ZDHHC3: variants seen among roughly 807,000 people sequenced by gnomAD.
The protein encoded by ZDHHC3 is zDHHC palmitoyltransferase 3.
In ZDHHC3, 9 loss-of-function variants were observed where a neutral mutation model predicts 30.6. That is an observed-to-expected ratio of 0.29 (90% CI 0.18 to 0.51). The LOEUF (loss-of-function observed/expected upper bound fraction) is 0.51, where lower values mean the gene tolerates loss of function less well. Among genes scored for constraint, ZDHHC3 ranks in the 20% least tolerant of loss-of-function variants. ZDHHC3 has a pLI of 0.97. For missense variants in ZDHHC3, 246 were observed against 384.2 expected (o/e 0.64, Z 3.01); for synonymous variants, 136 against 140.2 (o/e 0.97, Z 0.21).
rs543702987 is a variant in ZDHHC3, at chr3:44,922,966, G to A, written c.*3723C>T. On this transcript the variant is annotated 3_prime_UTR_variant, in exon 7 of 7. Coordinates refer to ENST00000424952, the MANE Select transcript of ZDHHC3 (RefSeq NM_001135179.2). ...CACCCTTTAAGCTGATGCACTGCAA[G>A]TCTTGAAAAGAGAGAAATTTAAAAC... 1.2e-3 allele frequency: 1,163 copies of A among 985,356 alleles called. 2 individuals carry two copies. The highest frequency in any genetic ancestry group is 1.5e-3 in the Admixed American group (24 of 16,274). The allele number at this position is 985,356 out of a possible 1,614,324, so 61.0% of individuals were successfully genotyped here. A position where few individuals can be genotyped will look rare whatever the true frequency, so the allele number is the denominator to read the frequency against.
At chr3:44,973,917 T>C (rs1705634015) in intron 1 of ZDHHC3, among the ~76,000 whole-genome samples, 1 of 152,232 alleles carries the variant, frequency 6.6e-6, no homozygotes, top group Admixed American at 6.5e-5. Flanking sequence ...CTAATAGTGA[T>C]GGAAAAACAA....
chr3:44,964,458 C>A (rs1704756543), intron 1 of ZDHHC3, among the ~76,000 whole-genome samples: 1 of 152,032 alleles, frequency 6.6e-6, no homozygotes, highest in African/African-American at 2.4e-5. Flanking sequence ...CAGATGCAGG[C>A]TTTGTAGGAA....
At chr3:44,938,163 T>C (rs1444877362) in intron 3 of ZDHHC3, 2 of 203,356 alleles carry the variant, frequency 9.8e-6, no homozygotes, top group Non-Finnish European at 2.1e-5. Context: ...TTTGTATTTT[T>C]AGTGGAGACG....
chr3:44,945,042 T>G (rs1702793598), intron 3 of ZDHHC3, 126 bp downstream of exon 3: 1 of 1,389,580 alleles, frequency 7.2e-7, no homozygotes, highest in Non-Finnish European at 1.0e-6. Context: ...AGGGGACATT[T>G]GGAATCCCGA....
chr3:44,918,649 A>T lies in ZDHHC3; in HGVS notation c.*8040T>A. On this transcript the variant is annotated 3_prime_UTR_variant, in exon 7 of 7. Coordinates refer to ENST00000424952, the MANE Select transcript of ZDHHC3 (RefSeq NM_001135179.2). ...CAGGACACAAACAGCATGCGAGGTG[A>T]AGAAGCGGGTGCTCGTACAGCAAGT... 1.0e-6 allele frequency: 1 copy of T among 1,001,094 alleles called. No homozygotes were observed. Among genetic ancestry groups the T allele is most frequent in the Non-Finnish European group, 1.2e-6 (1 of 837,368 alleles). The allele number at this position is 1,001,094 out of a possible 1,614,324, so 62.0% of individuals were successfully genotyped here.
chr3:44,965,424 G>A (rs1375842766), intron 1 of ZDHHC3, among the ~76,000 whole-genome samples: 2 of 152,162 alleles, frequency 1.3e-5, no homozygotes, highest in African/African-American at 4.8e-5. Flanking sequence ...TCTCTCCATG[G>A]TAGGCAGCTC....
At chr3:44,946,624 T>C (rs1325277650) in intron 2 of ZDHHC3, among the ~76,000 whole-genome samples, 1 of 152,002 alleles carries the variant, frequency 6.6e-6, no homozygotes, top group Non-Finnish European at 1.5e-5. Flanking sequence ...CAGAGGAGTT[T>C]TAAGTAGTGA....
intron 2 of ZDHHC3, 168 bp from the exon 3 acceptor site, chr3:44,945,460 G>C: frequency 9.7e-7 from 1 of 1,026,696 alleles, no homozygotes; most frequent in East Asian, 2.7e-5. Context: ...CAACATTAAG[G>C]AATATTTATT....
intron 6 of ZDHHC3, among the ~76,000 whole-genome samples, chr3:44,928,038 T>TC (rs913521266): frequency 6.6e-6 from 1 of 152,142 alleles, no homozygotes; most frequent in Non-Finnish European, 1.5e-5. Context: ...GCCTTCTGGC[T>TC]CCCCCAGACC....
Position 44,975,971 on chromosome 3 carries a change from T to G in ZDHHC3, c.-63A>C. ...GCAGTTCCCCAGTCCCAGACCCCGG[T>G]GGGGCTCCCGCCGCCGCCGCCGCTG... On this transcript the variant is annotated 5_prime_UTR_variant, in exon 1 of 7. Coordinates refer to ENST00000424952, the MANE Select transcript of ZDHHC3 (RefSeq NM_001135179.2). The G allele has an allele frequency of 2.9e-5, 8 of 276,648 alleles. No individual in the cohort carries two copies. Among genetic ancestry groups the G allele is most frequent in the Non-Finnish European group, 3.3e-5 (5 of 149,600 alleles). 17.1% of individuals were successfully genotyped at this position (276,648 alleles called of 1,614,324 possible).
chr3:44,931,561 C>G (rs1033103922), intron 5 of ZDHHC3, among the ~76,000 whole-genome samples: 4 of 152,220 alleles, frequency 2.6e-5, no homozygotes, highest in African/African-American at 4.8e-5. Context: ...CAGGGCTGAG[C>G]AGTGAGGGCA....
intron 2 of ZDHHC3, among the ~76,000 whole-genome samples, chr3:44,948,789 T>A (rs1220892688): frequency 6.6e-6 from 1 of 152,254 alleles, no homozygotes; most frequent in Non-Finnish European, 1.5e-5. Context: ...CACATGACTC[T>A]TTGCTGGGCC....
At chr3:44,964,335 G>C (rs1184581294) in intron 1 of ZDHHC3, among the ~76,000 whole-genome samples, 1 of 152,234 alleles carries the variant, frequency 6.6e-6, no homozygotes, top group African/African-American at 2.4e-5. Context: ...GCCAAGTGAA[G>C]CATACTGCTT....
intron 3 of ZDHHC3, 100 bp from the exon 4 acceptor site, chr3:44,934,084 A>G: frequency 1.7e-6 from 2 of 1,194,826 alleles, no homozygotes; most frequent in Admixed American, 1.7e-5. Flanking sequence ...CTCCTCTGAA[A>G]TGGCTTCCTT....
Position 44,926,588 on chromosome 3 carries a change from T to G in ZDHHC3, c.*101A>C. Reference sequence around the variant, plus strand: ...TGAGACATAAAAAAAGTTTTAAGAGTAGTTGTTTTGCTTTTTCGATTTAAA... The same window carrying G: ...TGAGACATAAAAAAAGTTTTAAGAGGAGTTGTTTTGCTTTTTCGATTTAAA... On this transcript the variant is annotated 3_prime_UTR_variant, in exon 7 of 7. Transcript: ENST00000424952. 7.7e-7 allele frequency: 1 copy of G among 1,294,382 alleles called. No homozygotes were observed. Among genetic ancestry groups the G allele is most frequent in the Non-Finnish European group, 9.9e-7 (1 of 1,014,210 alleles). The allele number at this position is 1,294,382 out of a possible 1,614,324, so 80.2% of individuals were successfully genotyped here.
intron 2 of ZDHHC3, among the ~76,000 whole-genome samples, chr3:44,955,770 C>G (rs544161332): frequency 3.3e-4 from 50 of 152,234 alleles, no homozygotes; most frequent in African/African-American, 1.2e-3. Flanking sequence ...TAGGAGCTCC[C>G]GCTTCTGCAG....
Position 44,923,805 on chromosome 3 carries a change from A to G in ZDHHC3, c.*2884T>C. ...GTGACAGAGCAAGACCTTGTCTCAA[A>G]CAAAAAAGAGGAAGTACAGTATGAA... On this transcript the variant is annotated 3_prime_UTR_variant, in exon 7 of 7. Coordinates refer to ENST00000424952, the MANE Select transcript of ZDHHC3 (RefSeq NM_001135179.2). 1 of 985,392 alleles carries G rather than the reference A, an allele frequency of 1.0e-6. No homozygotes were observed. Among genetic ancestry groups the G allele is most frequent in the Non-Finnish European group, 1.2e-6 (1 of 829,888 alleles). 61.0% of individuals were successfully genotyped at this position (985,392 alleles called of 1,614,324 possible).
At chr3:44,951,451 C>T (rs1236408889) in intron 2 of ZDHHC3, among the ~76,000 whole-genome samples, 3 of 152,182 alleles carry the variant, frequency 2.0e-5, no homozygotes. Context: ...CTAGTACCTT[C>T]CTTGACCCCT....
rs775211439 is a variant in ZDHHC3, at chr3:44,959,119, A to T, written c.306+12T>A. The T allele has an allele frequency of 8.7e-6, 14 of 1,613,788 alleles. No individual in the cohort carries two copies. The East Asian group carries it at 3.1e-4, about 36-fold the overall frequency. ...AGTGTGGGCTGGTCAAAACAAGCCC[A>T]GACATACTCACGGGGTCCGTCAGCA... On this transcript the variant is annotated intron_variant, in intron 2 of 6. Transcript: ENST00000424952. The surrounding 1 kb of genome is among the most constrained non-coding windows in gnomAD (Gnocchi z 4.3).
Sources: gnomAD v4.1 joint callset for allele counts (sites outside exome capture counted in the v4.1 genomes callset) on GRCh38, gnomAD v4.1.1 for gene constraint, Gnocchi (gnomAD v3.1) non-coding constraint, MANE v1.5 for transcripts, NCBI Gene and HGNC (gene_info 2026-07-23, HGNC 2026-07-21) for gene names.